Variants in RAB3IP observed in about 807,000 individuals in gnomAD.
The protein encoded by RAB3IP is rab-3A-interacting protein.
In RAB3IP, 36 loss-of-function variants were observed where a neutral mutation model predicts 59.1. The observed-to-expected ratio is 0.61, with a 90% CI of 0.47 to 0.80. The LOEUF (loss-of-function observed/expected upper bound fraction) is 0.80, where lower values mean the gene tolerates loss of function less well. RAB3IP is among the 30% of genes least tolerant of loss of function. The pLI is 0.00. For missense variants in RAB3IP, 511 were observed against 536.0 expected, an observed-to-expected ratio of 0.95 and a Z score of 0.46; for synonymous variants, 207 against 191.2, an observed-to-expected ratio of 1.08 and a Z score of -0.68.
chr12:69,783,662 T>G (rs1408777729), intron 3 of RAB3IP, among the ~76,000 whole-genome samples: 1 of 152,214 alleles, frequency 6.6e-6, no homozygotes, highest in Non-Finnish European at 1.5e-5. Flanking sequence ...CTCCGTTTAT[T>G]CTTAGATTTG....
intron 8 of RAB3IP, among the ~76,000 whole-genome samples, chr12:69,801,988 A>G (rs571533380): frequency 6.6e-4 from 97 of 146,756 alleles, no homozygotes; most frequent in African/African-American, 1.5e-3. Context: ...CAACAAGCAC[A>G]ATTACTTTTG....
At chr12:69,798,472 G>T (rs2136240044) in intron 6 of RAB3IP, among the ~76,000 whole-genome samples, 1 of 151,448 alleles carries the variant, frequency 6.6e-6, no homozygotes, top group East Asian at 1.9e-4. Context: ...CATTTTGTAG[G>T]TTGCCTGTTC....
chr12:69,807,063 A>G (rs1018370220), intron 8 of RAB3IP, among the ~76,000 whole-genome samples: 163 of 151,670 alleles, frequency 1.1e-3, no homozygotes, highest in African/African-American at 3.8e-3. Flanking sequence ...CGCCATCGTC[A>G]TCATGGCCTG....
At chr12:69,808,092 C>A (rs1471749917) in intron 8 of RAB3IP, among the ~76,000 whole-genome samples, 1 of 152,154 alleles carries the variant, frequency 6.6e-6, no homozygotes, top group Non-Finnish European at 1.5e-5. Flanking sequence ...TATGTTGTGT[C>A]TTTGTTCTCG....
intron 8 of RAB3IP, among the ~76,000 whole-genome samples, chr12:69,809,459 T>G (rs1186902541): frequency 6.6e-6 from 1 of 152,238 alleles, no homozygotes; most frequent in Non-Finnish European, 1.5e-5. Flanking sequence ...CTTGCTAGAT[T>G]GGGGAAGTTC....
intron 3 of RAB3IP, among the ~76,000 whole-genome samples, chr12:69,762,969 A>G (rs1256707020): frequency 1.3e-5 from 2 of 152,132 alleles, no homozygotes; most frequent in African/African-American, 4.8e-5. Flanking sequence ...AGATAAAACT[A>G]TAAATTTTAT....
At chr12:69,803,132 G>T (rs1878655294) in intron 8 of RAB3IP, among the ~76,000 whole-genome samples, 1 of 152,080 alleles carries the variant, frequency 6.6e-6, no homozygotes, top group South Asian at 2.1e-4. Context: ...TATATGTGCA[G>T]ATATCATCAA....
chr12:69,779,600 C>G (rs1225150124), intron 3 of RAB3IP, among the ~76,000 whole-genome samples: 5 of 151,384 alleles, frequency 3.3e-5, no homozygotes, highest in Admixed American at 3.3e-4. Context: ...TTTGAGCTCA[C>G]TCATCGTTTC....
chr12:69,813,149 A>G, intron 10 of RAB3IP, 116 bp downstream of exon 10: 1 of 701,368 alleles, frequency 1.4e-6, no homozygotes. Context: ...TATTGTTGGT[A>G]CATTTATATT....
intron 1 of RAB3IP, among the ~76,000 whole-genome samples, chr12:69,753,580 C>T (rs368941795): frequency 1.1e-4 from 16 of 152,090 alleles, no homozygotes; most frequent in Admixed American, 8.5e-4. Flanking sequence ...AACTTCTGAT[C>T]TCAAGTAATC....
At chr12:69,795,037 C>A in intron 5 of RAB3IP, 104 bp from the exon 6 acceptor site, 2 of 834,894 alleles carry the variant, frequency 2.4e-6, no homozygotes, top group Non-Finnish European at 3.7e-6. Context: ...ACAAATTAAA[C>A]TTACTTTTCA....
chr12:69,807,655 G>T (rs1215982907), intron 8 of RAB3IP, among the ~76,000 whole-genome samples: 1 of 149,000 alleles, frequency 6.7e-6, no homozygotes, highest in African/African-American at 2.5e-5. Flanking sequence ...GGGTGGCCGG[G>T]CAGAGGTGCT....
chr12:69,781,001 T>C (rs1183521434), intron 3 of RAB3IP, among the ~76,000 whole-genome samples: 1 of 152,246 alleles, frequency 6.6e-6, no homozygotes, highest in East Asian at 1.9e-4. Context: ...CCAATCACTG[T>C]GTTCATAAAT....
At chr12:69,739,671 C>T in intron 1 of RAB3IP, 2 of 661,060 alleles carry the variant, frequency 3.0e-6, no homozygotes, top group Non-Finnish European at 5.3e-6. Flanking sequence ...TAGGCAGCTC[C>T]GTGCCGCCAG....
At chr12:69,795,070 A>G (rs1877224956) in intron 5 of RAB3IP, 71 bp from the exon 6 acceptor site, 13 of 1,089,030 alleles carry the variant, frequency 1.2e-5, no homozygotes, top group Non-Finnish European at 1.8e-5. Flanking sequence ...TTTTGACCAG[A>G]TTGCTAATAT....
intron 3 of RAB3IP, among the ~76,000 whole-genome samples, chr12:69,759,947 G>A (rs532657661): frequency 7.3e-5 from 11 of 150,688 alleles, no homozygotes; most frequent in African/African-American, 2.2e-4. Context: ...GGGTGGCCGG[G>A]CAGAGACGCT....
chr12:69,771,159 T>C (rs1283343535), intron 3 of RAB3IP, among the ~76,000 whole-genome samples: 2 of 152,228 alleles, frequency 1.3e-5, no homozygotes, highest in African/African-American at 4.8e-5. Flanking sequence ...CCTCTAGGCT[T>C]ACCCATATTG....
chr12:69,800,385 C>G, intron 7 of RAB3IP, 48 bp downstream of exon 7: 2 of 1,190,886 alleles, frequency 1.7e-6, no homozygotes, highest in Non-Finnish European at 2.3e-6. Context: ...TGTTTCTGTA[C>G]TTCTTTTAAA....
At chr12:69,747,331 T>TGA (rs774489387) in intron 1 of RAB3IP, among the ~76,000 whole-genome samples, 6,233 of 85,674 alleles carry the variant, frequency 0.073, 185 homozygotes, top group South Asian at 0.15. Flanking sequence ...TGTGTGTGTG[T>TGA]GAGAGAGAGA....
Sources: gnomAD v4.1 joint callset for allele counts (sites outside exome capture counted in the v4.1 genomes callset) on GRCh38, gnomAD v4.1.1 for gene constraint, MANE v1.5 for transcripts, NCBI Gene and HGNC (gene_info 2026-07-23, HGNC 2026-07-21) for gene names.